The following TRPC5 variants were observed in gnomAD, a reference collection of about 807,000 sequenced individuals.
The protein encoded by TRPC5 is short transient receptor potential channel 5.
A neutral mutation model predicts 56.5 loss-of-function variants in TRPC5; 9 were observed. That is an observed-to-expected ratio of 0.16 (90% CI 0.10 to 0.28). The LOEUF (loss-of-function observed/expected upper bound fraction) is 0.28. TRPC5 is among the 10% of genes least tolerant of loss of function. The pLI is 1.00. For missense variants in TRPC5, 469 were observed against 748.9 expected, an observed-to-expected ratio of 0.63 and a Z score of 4.36; for synonymous variants, 282 against 278.5, an observed-to-expected ratio of 1.01 and a Z score of -0.13.
intron 3 of TRPC5, among the ~76,000 whole-genome samples, chrX:111,910,713 G>T (rs1201841755): frequency 9.0e-6 from 1 of 111,122 alleles, no homozygotes; most frequent in Non-Finnish European, 1.9e-5. Context: ...TGTATTTTTA[G>T]TAGAGACTGG....
chrX:112,071,880 T>C (rs1248701670), intron 1 of TRPC5, among the ~76,000 whole-genome samples: 1 of 111,916 alleles, frequency 8.9e-6, no homozygotes, highest in Non-Finnish European at 1.9e-5. Context: ...TGGCTGCAGC[T>C]CTTAATGCTG....
rs1459235969 is a variant in TRPC5 at position 111,952,107 on chromosome X, C to A, written c.314G>T (p.Arg105Leu). 3 of 1,212,124 alleles carry A rather than the reference C, an allele frequency of 2.5e-6. No individual in the cohort carries two copies. The highest frequency in any genetic ancestry group is 3.3e-6 in the Non-Finnish European group (3 of 895,577). The change falls in exon 2 of 11, where the codon CGC becomes CTC. Residue 105 changes from arginine (R) to leucine (L), a missense_variant. Around this residue, in one of 3 missense-constraint regions of TRPC5, gnomAD observed 118 missense variants for 167.1 expected, o/e 0.71. Coordinates refer to ENST00000262839, the MANE Select transcript of TRPC5 (RefSeq NM_012471.3). ...CTCCACAGCGCCCACCACTTCCTTGCGTATGGCATAGAGCAATGCATCACC... is the reference window on the plus strand; with the variant it reads ...CTCCACAGCGCCCACCACTTCCTTGAGTATGGCATAGAGCAATGCATCACC... ...YVGDALLYAI[R>L]KEVVGAVELL...
In TRPC5 at chrX:112,082,439, C is replaced by G. The variant is rs1226257814; in HGVS notation, c.-582G>C. 9.0e-6 allele frequency: 1 copy of G among 110,613 alleles called. No individual in the cohort carries two copies. The highest frequency in any genetic ancestry group is 3.3e-5 in the African/African-American group (1 of 30,305). The allele number at this position is 110,613 out of a possible 1,213,427, so 9.1% of individuals were successfully genotyped here. A position where few individuals can be genotyped will look rare whatever the true frequency, so the allele number is the denominator to read the frequency against. On this transcript the variant is annotated 5_prime_UTR_variant, in exon 1 of 11. Transcript: ENST00000262839. The stretch of plus-strand genomic sequence containing the variant: ...AGAGAGCCGCATTCACACTCTTACA[C>G]GCACACTCAAGCTCCAGCTGTTAGG...
chrX:111,823,164 C>G (rs1273767403), intron 7 of TRPC5, among the ~76,000 whole-genome samples: 2 of 111,750 alleles, frequency 1.8e-5, no homozygotes. Context: ...GCAAAGAGCT[C>G]TCAGCCTCTC....
At chrX:112,002,045 G>T (rs1024841798) in intron 1 of TRPC5, among the ~76,000 whole-genome samples, 9 of 111,041 alleles carry the variant, frequency 8.1e-5, no homozygotes. Context: ...CTCCTAACTG[G>T]CCTGGCTGCT....
At chrX:111,883,685 C>G (rs778454376) in intron 3 of TRPC5, among the ~76,000 whole-genome samples, 20 of 111,706 alleles carry the variant, frequency 1.8e-4, no homozygotes, top group African/African-American at 5.8e-4. Flanking sequence ...TAAAGCATAA[C>G]CAATGCCTAA....
chrX:111,893,321 A>C (rs778219788), intron 3 of TRPC5, among the ~76,000 whole-genome samples: 1 of 111,313 alleles, frequency 9.0e-6, no homozygotes, highest in East Asian at 2.8e-4. Flanking sequence ...TCTTTCTAGA[A>C]GTATTACATC....
chrX:111,769,256 A>G lies in TRPC5; in HGVS notation c.*7057T>C, dbSNP rs1251366947. ...AATGTCATTTCTTAAGGATCAAATA[A>G]GTTTGAGGAGTCAATTCTGAGTTTA... On this transcript the variant is annotated 3_prime_UTR_variant, in exon 11 of 11. Coordinates refer to ENST00000262839, the MANE Select transcript of TRPC5 (RefSeq NM_012471.3). Among the ~76,000 whole-genome samples, 2 of 112,007 alleles carry G rather than the reference A, an allele frequency of 1.8e-5. No individual in the cohort carries two copies. The highest frequency in any genetic ancestry group is 3.8e-5 in the Non-Finnish European group (2 of 53,159).
At chrX:111,944,303 T>TGTGTGTGTGTGAAAGA (rs1173179815) in intron 2 of TRPC5, among the ~76,000 whole-genome samples, 3 of 61,395 alleles carry the variant, frequency 4.9e-5, no homozygotes, top group African/African-American at 3.2e-4. Context: ...TGTGTGTGTG[T>TGTGTGTGTGTGAAAGA]GAGAGAGAGA....
chrX:112,003,317 G>A (rs1266209534), intron 1 of TRPC5, among the ~76,000 whole-genome samples: 1 of 111,471 alleles, frequency 9.0e-6, no homozygotes, highest in Non-Finnish European at 1.9e-5. Context: ...GTGAATTATG[G>A]CCTCCATGAA....
At chrX:111,831,883 C>T (rs1349574105) in intron 7 of TRPC5, among the ~76,000 whole-genome samples, 1 of 111,087 alleles carries the variant, frequency 9.0e-6, no homozygotes, top group Non-Finnish European at 1.9e-5. Context: ...ATCTCTTCCA[C>T]CTAATATTTT....
intron 7 of TRPC5, among the ~76,000 whole-genome samples, chrX:111,805,583 A>G (rs1316824502): frequency 1.8e-5 from 2 of 112,009 alleles, no homozygotes; most frequent in Non-Finnish European, 3.8e-5. Context: ...GAAAATAAGT[A>G]AGTGTGATTT....
intron 1 of TRPC5, among the ~76,000 whole-genome samples, chrX:111,971,786 A>T (rs750089061): frequency 2.7e-5 from 3 of 111,895 alleles, no homozygotes; most frequent in Non-Finnish European, 5.6e-5. Flanking sequence ...TACTTCAGAA[A>T]TCTGGAGGAA....
chrX:111,816,550 T>C lies in TRPC5; in HGVS notation c.1896+18371A>G, dbSNP rs1371176626. Among the ~76,000 whole-genome samples, 9 of 112,060 alleles carry C rather than the reference T, an allele frequency of 8.0e-5. No individual in the cohort carries two copies. The South Asian group carries it at 2.6e-3, about 33-fold the overall frequency. ...ACTTTCTGAGAGTCAGAATGAAATT[T>C]GGGCAGTTTTAAAATTCACGATTTC... On this transcript the variant is annotated intron_variant, in intron 7 of 10. Coordinates refer to ENST00000262839, the MANE Select transcript of TRPC5 (RefSeq NM_012471.3).
intron 5 of TRPC5, 32 bp from the exon 6 acceptor site, chrX:111,847,468 G>C: frequency 2.3e-5 from 26 of 1,127,348 alleles, no homozygotes; most frequent in East Asian, 6.0e-5. Context: ...CAAGATGAGG[G>C]GTACAGTGAA....
chrX:112,048,478 A>G (rs1452421352), intron 1 of TRPC5, among the ~76,000 whole-genome samples: 2 of 109,556 alleles, frequency 1.8e-5, no homozygotes, highest in Admixed American at 9.7e-5. Context: ...AATCTGACAT[A>G]ATTTGGGGGA....
At position 111,952,055 on chromosome X, in the gene TRPC5, G is replaced by A. The variant is rs143012451; in HGVS notation, c.366C>T (p.Ser122=). 32 of 1,204,869 alleles carry A rather than the reference G, an allele frequency of 2.7e-5. No individual in the cohort carries two copies. The highest frequency in any genetic ancestry group is 5.3e-5 in the South Asian group (3 of 56,089). Residue 122 remains serine, a synonymous_variant, in exon 2 of 11, where the codon AGC becomes AGT. Coordinates refer to ENST00000262839, the MANE Select transcript of TRPC5 (RefSeq NM_012471.3). ...GAATTTCTCTTACCTGCTTCTCTCC[G>A]CTGGGCCGCCTGTAGCTGAGCAGAA... ...VELLLSYRRP[S]GEKQVPTLMM...
intron 1 of TRPC5, among the ~76,000 whole-genome samples, chrX:112,005,295 T>C (rs1928806678): frequency 9.2e-6 from 1 of 108,330 alleles, no homozygotes; most frequent in South Asian, 4.2e-4. Flanking sequence ...GAATAACACA[T>C]ACTGGGGCCT....
At chrX:112,066,524 A>G (rs779750365) in intron 1 of TRPC5, among the ~76,000 whole-genome samples, 7 of 112,131 alleles carry the variant, frequency 6.2e-5, no homozygotes, top group Non-Finnish European at 9.4e-5. Flanking sequence ...GTCAGGAAGC[A>G]TATCATAGAG....
Sources: allele counts gnomAD v4.1 joint callset (sites outside exome capture counted in the v4.1 genomes callset), GRCh38; gene constraint gnomAD v4.1.1; regional missense constraint gnomAD v4.1.1; transcripts MANE v1.5; gene names NCBI Gene and HGNC (gene_info 2026-07-23, HGNC 2026-07-21).